Variants in DGKB observed in about 807,000 individuals in gnomAD.
The protein encoded by DGKB is 90 kDa diacylglycerol kinase.
DGKB carries 67 observed loss-of-function variants against 114.3 expected under a neutral mutation model. That is an observed-to-expected ratio of 0.59 (90% CI 0.48 to 0.72). The LOEUF is 0.72. DGKB is among the 30% of genes least tolerant of loss of function. The probability of loss-of-function intolerance (pLI) is 0.00; values close to 1 mark genes in which losing one functional copy is unlikely to be tolerated. For missense variants in DGKB, 907 were observed against 975.2 expected, an observed-to-expected ratio of 0.93 and a Z score of 0.93; for synonymous variants, 398 against 323.1, an observed-to-expected ratio of 1.23 and a Z score of -2.49.
At chr7:14,523,664 T>C (rs1022140561) in intron 20 of DGKB, among the ~76,000 whole-genome samples, 2 of 152,162 alleles carry the variant, frequency 1.3e-5, no homozygotes, top group African/African-American at 4.8e-5. Flanking sequence ...AATACAAACG[T>C]ATATAATACA....
At chr7:14,461,992 C>A (rs1471508815) in intron 21 of DGKB, among the ~76,000 whole-genome samples, 2 of 152,128 alleles carry the variant, frequency 1.3e-5, no homozygotes, top group Non-Finnish European at 2.9e-5. Context: ...TAAACAGAAC[C>A]AAGGACAAAA....
At chr7:14,784,302 T>C (rs1839546147) in intron 2 of DGKB, among the ~76,000 whole-genome samples, 1 of 152,148 alleles carries the variant, frequency 6.6e-6, no homozygotes, top group Non-Finnish European at 1.5e-5. Flanking sequence ...AAAGTCTAGT[T>C]TTAATCATAT....
chr7:14,509,971 G>T (rs1027443367), intron 20 of DGKB, among the ~76,000 whole-genome samples: 1 of 152,106 alleles, frequency 6.6e-6, no homozygotes, highest in African/African-American at 2.4e-5. Flanking sequence ...GTCAGGAGAT[G>T]GAGACCATCC....
rs959008665 is a variant in DGKB at position 14,952,624 on chromosome 7, C to T, written c.-188+22072G>A. 4.6e-5 allele frequency among the ~76,000 whole-genome samples: 7 copies of T among 151,698 alleles called. No individual in the cohort carries two copies. The East Asian group carries it at 7.8e-4, about 17-fold the overall frequency. On this transcript the variant is annotated intron_variant, in intron 1 of 4. Transcript: ENST00000437998. ...TACAAAAATTAGCCAGGCATGGTGGCGCACGTCTCTAATGCCAGCTACTCA... is the reference window on the plus strand; with the variant it reads ...TACAAAAATTAGCCAGGCATGGTGGTGCACGTCTCTAATGCCAGCTACTCA...
chr7:14,779,033 G>A (rs559730688), intron 2 of DGKB, among the ~76,000 whole-genome samples: 1 of 151,962 alleles, frequency 6.6e-6, no homozygotes, highest in South Asian at 2.1e-4. Flanking sequence ...GCACATGCCT[G>A]TAGTCCAAGC....
intron 1 of DGKB, among the ~76,000 whole-genome samples, chr7:14,877,540 A>G (rs1376490099): frequency 1.3e-5 from 2 of 152,196 alleles, no homozygotes; most frequent in African/African-American, 4.8e-5. Flanking sequence ...GGGGAAAAAT[A>G]GCGAAACTTT....
At chr7:14,910,258 GAAAGAAA>G (rs1783921613) in intron 1 of DGKB, among the ~76,000 whole-genome samples, 2 of 93,150 alleles carry the variant, frequency 2.1e-5, no homozygotes, top group African/African-American at 1.0e-4. Flanking sequence ...AAGAAAGAAA[GAAAGAAA>G]GAAAGAAAGA....
intron 14 of DGKB, among the ~76,000 whole-genome samples, chr7:14,627,891 C>T (rs565397103): frequency 3.3e-5 from 5 of 150,808 alleles, no homozygotes; most frequent in East Asian, 3.9e-4. Context: ...TGCAGTGAGC[C>T]GAGATCATGC....
chr7:14,238,403 G>A (rs2128358114), intron 23 of DGKB, among the ~76,000 whole-genome samples: 1 of 152,016 alleles, frequency 6.6e-6, no homozygotes, highest in South Asian at 2.1e-4. Flanking sequence ...CCAGCCATGT[G>A]GAATGGTGAG....
chr7:14,629,872 T>C (rs751201084), intron 14 of DGKB, among the ~76,000 whole-genome samples: 8 of 152,106 alleles, frequency 5.3e-5, no homozygotes, highest in Non-Finnish European at 1.0e-4. Flanking sequence ...GCTCAAAGAA[T>C]AAATTCTTTT....
At chr7:14,586,862 A>G (rs1013830008) in intron 17 of DGKB, among the ~76,000 whole-genome samples, 3 of 151,816 alleles carry the variant, frequency 2.0e-5, no homozygotes, top group Non-Finnish European at 4.4e-5. Context: ...TCTCAAAAAA[A>G]AAAAAAGATT....
intron 1 of DGKB, among the ~76,000 whole-genome samples, chr7:14,848,637 C>A (rs918549086): frequency 2.0e-5 from 3 of 152,196 alleles, no homozygotes; most frequent in East Asian, 3.9e-4. Flanking sequence ...GCAAAGACTG[C>A]AATTAGCAGT....
chr7:14,346,944 A>T lies in DGKB; in HGVS notation c.1836-1553T>A, dbSNP rs367658912. On this transcript the variant is annotated intron_variant, in intron 21 of 25. Transcript: ENST00000402815. ...CTATATTCAGCAACTTTCTAATAAC[A>T]TTTTTGTGTTATTCTTTTCTCCAGA... Among the ~76,000 whole-genome samples the T allele has an allele frequency of 2.6e-5, 4 of 151,998 alleles. No homozygotes were observed. In the East Asian group the frequency reaches 7.7e-4, roughly 29 times the overall value.
intron 1 of DGKB, among the ~76,000 whole-genome samples, chr7:14,913,807 C>T (rs1471270100): frequency 6.6e-6 from 1 of 152,058 alleles, no homozygotes; most frequent in East Asian, 1.9e-4. Flanking sequence ...CACTCTCATC[C>T]ACACATCAAG....
chr7:14,242,892 C>A (rs1053867957), intron 23 of DGKB, among the ~76,000 whole-genome samples: 1 of 146,526 alleles, frequency 6.8e-6, no homozygotes, highest in Non-Finnish European at 1.5e-5. Flanking sequence ...AAGTATGTGA[C>A]GCTTTCTGAG....
intron 23 of DGKB, among the ~76,000 whole-genome samples, chr7:14,333,040 A>T (rs1810003227): frequency 6.6e-6 from 1 of 152,220 alleles, no homozygotes; most frequent in African/African-American, 2.4e-5. Context: ...AACTTTTTAA[A>T]GCAGTCAACA....
chr7:14,234,380 T>C (rs1792429178), intron 23 of DGKB, among the ~76,000 whole-genome samples: 1 of 152,080 alleles, frequency 6.6e-6, no homozygotes, highest in Admixed American at 6.6e-5. Flanking sequence ...TGTATATTTA[T>C]GGTTCTTAAA....
At chr7:14,891,478 C>G (rs1454702124) in intron 1 of DGKB, among the ~76,000 whole-genome samples, 2 of 151,276 alleles carry the variant, frequency 1.3e-5, no homozygotes, top group African/African-American at 2.4e-5. Flanking sequence ...AAAAGCAGCA[C>G]TGAAAGAATG....
intron 23 of DGKB, among the ~76,000 whole-genome samples, chr7:14,280,260 G>C (rs913888440): frequency 6.6e-6 from 1 of 152,064 alleles, no homozygotes; most frequent in Non-Finnish European, 1.5e-5. Context: ...AAGGGTATCA[G>C]CAATGGAAGA....
Sources: gnomAD v4.1 joint callset for allele counts (sites outside exome capture counted in the v4.1 genomes callset) on GRCh38, gnomAD v4.1.1 for gene constraint, MANE v1.5 for transcripts, NCBI Gene and HGNC (gene_info 2026-07-23, HGNC 2026-07-21) for gene names.